The following SDK1 variants were observed in gnomAD, a reference collection of about 807,000 sequenced individuals.
SDK1 encodes the protein sidekick cell adhesion molecule 1, also known as protein sidekick-1.
In SDK1, 157 loss-of-function variants were observed where a neutral mutation model predicts 245.5. That is an observed-to-expected ratio of 0.64 (90% CI 0.56 to 0.73). The LOEUF (loss-of-function observed/expected upper bound fraction) is 0.73. Ranked by LOEUF, SDK1 falls within the 30% of genes least tolerant of loss-of-function variation. The pLI, the probability that SDK1 is intolerant of heterozygous loss-of-function variation, is 0.00. For missense variants in SDK1, 3,583 were observed against 3,002.3 expected (o/e 1.19, Z -4.52); for synonymous variants, 1,647 against 1,278.5 (o/e 1.29, Z -6.15).
At chr7:4,201,668 G>T (rs1419085294) in intron 35 of SDK1, among the ~76,000 whole-genome samples, 2 of 151,548 alleles carry the variant, frequency 1.3e-5, no homozygotes, top group Admixed American at 1.3e-4. Context: ...GTGACAGGAG[G>T]CGCCTGGCGT....
intron 5 of SDK1, among the ~76,000 whole-genome samples, chr7:3,919,393 C>T (rs1779507129): frequency 2.0e-5 from 3 of 152,228 alleles, no homozygotes; most frequent in Admixed American, 6.5e-5. Flanking sequence ...CCATCTACTG[C>T]TGCAGGTCAG....
chr7:4,029,623 C>T lies in SDK1; in HGVS notation c.2602+12271C>T, dbSNP rs528478600. On this transcript the variant is annotated intron_variant, in intron 17 of 44. Transcript: ENST00000404826. Reference sequence around the variant, plus strand: ...AGGTCATTAGATGGACTCCCACTCACATCACCCAAGCAGGGTGGGGATTGA... The same window carrying T: ...AGGTCATTAGATGGACTCCCACTCATATCACCCAAGCAGGGTGGGGATTGA... Among the ~76,000 whole-genome samples the T allele has an allele frequency of 2.4e-4, 37 of 152,258 alleles. No individual in the cohort carries two copies. The South Asian group carries it at 4.1e-3, about 17-fold the overall frequency.
intron 1 of SDK1, among the ~76,000 whole-genome samples, chr7:3,403,616 A>G (rs999100588): frequency 2.0e-5 from 3 of 151,532 alleles, no homozygotes; most frequent in Non-Finnish European, 4.4e-5. Context: ...GAGTAAAGAG[A>G]GCACAAATAC....
chr7:3,543,388 C>A (rs1779110940), intron 1 of SDK1, among the ~76,000 whole-genome samples: 1 of 152,230 alleles, frequency 6.6e-6, no homozygotes. Context: ...AGACTCTGAC[C>A]CCATAGGGGA....
rs182333800 is a variant in SDK1, at chr7:4,000,026, G to T, written c.2132-10940G>T. On this transcript the variant is annotated intron_variant, in intron 14 of 44. Transcript: ENST00000404826. ...GATTAACCTGGCAGTGGCCTACAGG[G>T]AGCTGTCTGTGAGGCTCAGAGAGTG... Among the ~76,000 whole-genome samples the T allele has an allele frequency of 3.8e-3, 583 of 152,298 alleles. 11 individuals carry two copies. In the South Asian group the frequency reaches 0.053, roughly 14 times the overall value.
intron 1 of SDK1, among the ~76,000 whole-genome samples, chr7:3,571,091 T>A (rs925398313): frequency 6.6e-6 from 1 of 152,200 alleles, no homozygotes; most frequent in South Asian, 2.1e-4. Flanking sequence ...TTTTTAAAAT[T>A]TGACTTTAGT....
intron 28 of SDK1, among the ~76,000 whole-genome samples, chr7:4,139,555 GTA>G (rs201454448): frequency 3.0e-5 from 1 of 33,830 alleles, no homozygotes; most frequent in Non-Finnish European, 5.6e-5. Context: ...GTGTGTATAT[GTA>G]TATATGTGTG....
chr7:3,742,148 T>TA (rs1303100324), intron 4 of SDK1, among the ~76,000 whole-genome samples: 3 of 151,170 alleles, frequency 2.0e-5, no homozygotes, highest in African/African-American at 4.9e-5. Context: ...TTTTTTTTTT[T>TA]ACCCCCATTT....
intron 4 of SDK1, among the ~76,000 whole-genome samples, chr7:3,669,028 A>G (rs77064615): frequency 1.1e-3 from 167 of 152,346 alleles, no homozygotes; most frequent in African/African-American, 3.8e-3. Context: ...TAAGGGCTCA[A>G]GAAGTTTACC....
chr7:3,507,057 G>C (rs940028800), intron 1 of SDK1, among the ~76,000 whole-genome samples: 1 of 152,032 alleles, frequency 6.6e-6, no homozygotes, highest in Non-Finnish European at 1.5e-5. Flanking sequence ...TTGTTTGGTG[G>C]GTGAACTGTG....
chr7:4,247,700 G>GT (rs1353902571), intron 44 of SDK1, among the ~76,000 whole-genome samples: 1 of 152,238 alleles, frequency 6.6e-6, no homozygotes, highest in East Asian at 1.9e-4. Flanking sequence ...GCTGCTGTGT[G>GT]TTTCCAGCAC....
At position 3,987,325 on chromosome 7, in the gene SDK1, A is replaced by T. The variant is rs1359401204; in HGVS notation, c.2131+3A>T. 1 of 1,613,458 alleles carries T rather than the reference A, an allele frequency of 6.2e-7. No individual in the cohort carries two copies. The highest frequency in any genetic ancestry group is 8.5e-7 in the Non-Finnish European group (1 of 1,179,706). On this transcript the variant is annotated splice_donor_region_variant and intron_variant, in intron 14 of 44. Transcript: ENST00000404826. ...CATCGTGGAGCTCTCTGAAAACAGT[A>T]AGTAGCAAAATGAAACTGTCACCAT... is the stretch of plus-strand genomic sequence containing the variant.
intron 5 of SDK1, among the ~76,000 whole-genome samples, chr7:3,850,870 A>T (rs11773667): frequency 5.9e-5 from 6 of 101,782 alleles, no homozygotes; most frequent in African/African-American, 2.2e-4. Flanking sequence ...GGGTAGGGGG[A>T]GGGGGGAGGG....
At chr7:4,261,880 C>G (rs2128244102) in intron 44 of SDK1, among the ~76,000 whole-genome samples, 1 of 151,994 alleles carries the variant, frequency 6.6e-6, no homozygotes, top group Admixed American at 6.5e-5. Context: ...CCCTAGGAGC[C>G]TGGGAAGCTG....
At chr7:3,311,084 G>T (rs1351343136) in intron 1 of SDK1, among the ~76,000 whole-genome samples, 3 of 152,110 alleles carry the variant, frequency 2.0e-5, no homozygotes, top group African/African-American at 7.2e-5. Context: ...ATGAGTCACG[G>T]TAGTAGAGTG....
intron 4 of SDK1, among the ~76,000 whole-genome samples, chr7:3,725,450 A>T (rs759886042): frequency 1.3e-5 from 2 of 151,800 alleles, no homozygotes; most frequent in Non-Finnish European, 2.9e-5. Context: ...GATAAATTTC[A>T]TGTTTTTCAA....
intron 5 of SDK1, among the ~76,000 whole-genome samples, chr7:3,863,843 C>A (rs183602756): frequency 3.6e-4 from 55 of 152,306 alleles, no homozygotes; most frequent in Non-Finnish European, 6.3e-4. Context: ...CCCTGACGGG[C>A]GCTTGGGTTG....
intron 10 of SDK1, among the ~76,000 whole-genome samples, chr7:3,967,761 A>G (rs1782191167): frequency 6.6e-6 from 1 of 152,192 alleles, no homozygotes; most frequent in African/African-American, 2.4e-5. Context: ...ATGAGAATCT[A>G]ATGCTGCTGC....
At chr7:3,410,276 C>T (rs966377506) in intron 1 of SDK1, among the ~76,000 whole-genome samples, 3 of 151,296 alleles carry the variant, frequency 2.0e-5, no homozygotes, top group East Asian at 1.9e-4. Flanking sequence ...AACTTCATTT[C>T]GCGCACAACA....
Sources: gnomAD v4.1 joint callset for allele counts (sites outside exome capture counted in the v4.1 genomes callset) on GRCh38, gnomAD v4.1.1 for gene constraint, MANE v1.5 for transcripts, NCBI Gene and HGNC (gene_info 2026-07-23, HGNC 2026-07-21) for gene names.